Variants in PCDH19 observed in about 807,000 individuals in gnomAD.
PCDH19 encodes the protein protocadherin-19.
Under a neutral mutation model 46.2 loss-of-function variants are expected in PCDH19, and 6 were observed. The observed-to-expected ratio is 0.13, with a 90% CI of 0.07 to 0.26. The LOEUF (loss-of-function observed/expected upper bound fraction) is 0.26, where lower values mean the gene tolerates loss of function less well. Ranked by LOEUF, PCDH19 falls within the 10% of genes least tolerant of loss-of-function variation. The pLI, the probability that PCDH19 is intolerant of heterozygous loss-of-function variation, is 1.00. For synonymous variants in PCDH19, 481 were observed against 415.7 expected (o/e 1.16, Z -1.91); for missense variants, 740 against 972.3 (o/e 0.76, Z 3.18).
At chrX:100,338,291 G>C (rs1255810124) in intron 5 of PCDH19, among the ~76,000 whole-genome samples, 1 of 97,617 alleles carries the variant, frequency 1.0e-5, no homozygotes, top group Non-Finnish European at 2.0e-5. Flanking sequence ...GCAGTGAGCC[G>C]AGATCCCGCC....
At chrX:100,325,240 T>C (rs190578647) in intron 5 of PCDH19, among the ~76,000 whole-genome samples, 2 of 110,456 alleles carry the variant, frequency 1.8e-5, no homozygotes, top group African/African-American at 3.3e-5. Flanking sequence ...CCTGTAAATA[T>C]ACGAATTGAG....
At chrX:100,312,526 A>G (rs1204312260) in intron 5 of PCDH19, among the ~76,000 whole-genome samples, 2 of 111,760 alleles carry the variant, frequency 1.8e-5, no homozygotes, top group Non-Finnish European at 3.8e-5. Context: ...CCGCTTAATT[A>G]TACTAGTCGG....
At chrX:100,363,887 G>GTGTGTGTGTA (rs1451526916) in intron 3 of PCDH19, among the ~76,000 whole-genome samples, 1 of 62,115 alleles carries the variant, frequency 1.6e-5, no homozygotes, top group Non-Finnish European at 3.3e-5. Context: ...GTGTGTGTGT[G>GTGTGTGTGTA]AGAGAGAGGG....
intron 5 of PCDH19, among the ~76,000 whole-genome samples, chrX:100,303,622 T>C (rs1924854597): frequency 8.9e-6 from 1 of 111,956 alleles, no homozygotes; most frequent in African/African-American, 3.3e-5. Context: ...GAGATATCTG[T>C]AGACACTCAT....
chrX:100,385,511 C>T (rs940094885), intron 3 of PCDH19, among the ~76,000 whole-genome samples: 4 of 111,904 alleles, frequency 3.6e-5, no homozygotes, highest in Non-Finnish European at 7.5e-5. Context: ...TCAATGCTAG[C>T]GATTGTTTGA....
chrX:100,306,323 A>C (rs1924944069), intron 5 of PCDH19, among the ~76,000 whole-genome samples: 2 of 112,337 alleles, frequency 1.8e-5, no homozygotes, highest in Admixed American at 9.4e-5. Context: ...CATTGGGTCA[A>C]CAATGAAACC....
intron 3 of PCDH19, among the ~76,000 whole-genome samples, chrX:100,390,035 A>AT (rs763675682): frequency 1.8e-5 from 2 of 111,904 alleles, no homozygotes; most frequent in Admixed American, 9.6e-5. Flanking sequence ...TTGTTAACCA[A>AT]TTACATGGCA....
intron 3 of PCDH19, among the ~76,000 whole-genome samples, chrX:100,391,589 A>C (rs1024347895): frequency 2.7e-5 from 3 of 112,136 alleles, no homozygotes; most frequent in Non-Finnish European, 5.6e-5. Flanking sequence ...AGCTATATGA[A>C]GCCCTTCAAA....
In PCDH19 at chrX:100,355,542, A is replaced by G. The variant is rs774609019; in HGVS notation, c.2617-4838T>C. 3.6e-5 allele frequency among the ~76,000 whole-genome samples: 4 copies of G among 111,909 alleles called. No individual in the cohort carries two copies. In the East Asian group the frequency reaches 1.1e-3, roughly 31 times the overall value. On this transcript the variant is annotated intron_variant, in intron 3 of 5. Coordinates refer to ENST00000373034, the MANE Select transcript of PCDH19 (RefSeq NM_001184880.2). ...ACTCTACTGTGTTCTTGGAAACTAT[A>G]CAATTATATTTGTGTCTAGAAAAAA... is the stretch of plus-strand genomic sequence containing the variant.
chrX:100,309,475 C>A (rs961481070), intron 5 of PCDH19, among the ~76,000 whole-genome samples: 2 of 111,049 alleles, frequency 1.8e-5, no homozygotes, highest in Non-Finnish European at 3.8e-5. Flanking sequence ...TCAGAAATCA[C>A]CACTAAAGAA....
chrX:100,302,114 C>T (rs926411607), intron 5 of PCDH19, among the ~76,000 whole-genome samples: 1 of 111,112 alleles, frequency 9.0e-6, no homozygotes, highest in Non-Finnish European at 1.9e-5. Flanking sequence ...ATGAGGCAAC[C>T]CTGAAGATAG....
chrX:100,369,636 A>C (rs751736665), intron 3 of PCDH19, among the ~76,000 whole-genome samples: 1 of 112,420 alleles, frequency 8.9e-6, no homozygotes, highest in Non-Finnish European at 1.9e-5. Context: ...ACATTTGCCT[A>C]CTGCAGATCA....
intron 1 of PCDH19, among the ~76,000 whole-genome samples, chrX:100,404,754 T>C (rs189429594): frequency 6.1e-4 from 68 of 111,439 alleles, no homozygotes; most frequent in Non-Finnish European, 1.0e-3. Flanking sequence ...AGCTGATTTC[T>C]TTTTCATCAA....
chrX:100,409,706 A>G lies in PCDH19; in HGVS notation c.-1109T>C, dbSNP rs1928536192. The stretch of plus-strand genomic sequence containing the variant: ...CCGTTTGGGCTGGGGTGTCGCTCCA[A>G]GGTCCGCCGCCGCCGCCGCCGCCGC... On this transcript the variant is annotated 5_prime_UTR_variant, in exon 1 of 6. Transcript: ENST00000373034. 1 of 238,106 alleles carries G rather than the reference A, an allele frequency of 4.2e-6. No individual in the cohort carries two copies. The highest frequency in any genetic ancestry group is 6.3e-5 in the Admixed American group (1 of 15,962). The allele number at this position is 238,106 out of a possible 1,213,427, so 19.6% of individuals were successfully genotyped here.
intron 5 of PCDH19, among the ~76,000 whole-genome samples, chrX:100,310,107 A>G (rs778308896): frequency 1.8e-5 from 2 of 112,282 alleles, no homozygotes; most frequent in East Asian, 5.7e-4. Flanking sequence ...ATTATCTTCA[A>G]TGGAATCTTT....
At chrX:100,367,709 A>C (rs1482118870) in intron 3 of PCDH19, among the ~76,000 whole-genome samples, 1 of 111,524 alleles carries the variant, frequency 9.0e-6, no homozygotes, top group African/African-American at 3.3e-5. Context: ...CCACCTTTTA[A>C]TACTATCACA....
At chrX:100,368,099 A>G (rs1927118944) in intron 3 of PCDH19, among the ~76,000 whole-genome samples, 1 of 112,107 alleles carries the variant, frequency 8.9e-6, no homozygotes, top group South Asian at 3.8e-4. Flanking sequence ...GATGAGTTAC[A>G]TTCTGTACAA....
intron 3 of PCDH19, among the ~76,000 whole-genome samples, chrX:100,381,993 G>A (rs1482214046): frequency 9.1e-6 from 1 of 110,206 alleles, no homozygotes; most frequent in Non-Finnish European, 1.9e-5. Context: ...CTATAAGCTA[G>A]AGAAGGAAAA....
intron 3 of PCDH19, among the ~76,000 whole-genome samples, chrX:100,398,720 A>C (rs1452786375): frequency 8.9e-6 from 1 of 112,249 alleles, no homozygotes; most frequent in Non-Finnish European, 1.9e-5. Context: ...ATACTCCAAC[A>C]ATGCTTGCTG....
Sources: gnomAD v4.1 joint callset for allele counts (sites outside exome capture counted in the v4.1 genomes callset) on GRCh38, gnomAD v4.1.1 for gene constraint, MANE v1.5 for transcripts, NCBI Gene and HGNC (gene_info 2026-07-23, HGNC 2026-07-21) for gene names.